The following NPAS2 variants were observed in gnomAD, a reference collection of about 807,000 sequenced individuals.
NPAS2 encodes the protein neuronal PAS domain protein 2.
Under a neutral mutation model 107.5 loss-of-function variants are expected in NPAS2, and 23 were observed. The observed-to-expected ratio is 0.21, with a 90% CI of 0.15 to 0.30. The LOEUF is 0.30. NPAS2 is among the 10% of genes least tolerant of loss of function. The pLI is 1.00. For synonymous variants in NPAS2, 403 were observed against 417.5 expected (o/e 0.97, Z 0.42); for missense variants, 756 against 1,043.3 (o/e 0.72, Z 3.79).
chr2:100,990,547 TTC>T (rs1678050719), intron 18 of NPAS2, 101 bp downstream of exon 18: 1 of 1,302,716 alleles, frequency 7.7e-7, no homozygotes, highest in African/African-American at 1.5e-5. Flanking sequence ...TTCAGACAGA[TTC>T]TAAAGTGTCC....
In NPAS2 at chr2:100,820,341, A is replaced by G. The variant is rs1164019900; in HGVS notation, c.-96A>G. 7.1e-6 allele frequency: 1 copy of G among 140,516 alleles called. No individual in the cohort carries two copies. Among genetic ancestry groups the G allele is most frequent in the South Asian group, 2.4e-4 (1 of 4,148 alleles). 8.7% of individuals were successfully genotyped at this position (140,516 alleles called of 1,614,324 possible). Reference sequence around the variant, plus strand: ...GCGCCCGCTCGCCGCCTCGTCTCCCAGCGGCGGCGGGAGGCGCGTCTCCCC... The same window carrying G: ...GCGCCCGCTCGCCGCCTCGTCTCCCGGCGGCGGCGGGAGGCGCGTCTCCCC... On this transcript the variant is annotated 5_prime_UTR_variant, in exon 1 of 21. Transcript: ENST00000335681. The surrounding 1 kb of genome is among the most constrained non-coding windows in gnomAD (Gnocchi z 5.6).
intron 20 of NPAS2, 161 bp downstream of exon 20, chr2:100,993,688 CTTAAAGTTTATGAA>C (rs1678276487): frequency 3.4e-6 from 2 of 590,168 alleles, no homozygotes; most frequent in South Asian, 5.6e-5. Flanking sequence ...GTTTTTCATG[CTTAAAGTTTATGAA>C]GTCTATGTCT....
intron 5 of NPAS2, among the ~76,000 whole-genome samples, chr2:100,943,197 A>G (rs1436404489): frequency 6.6e-6 from 1 of 152,232 alleles, no homozygotes; most frequent in East Asian, 1.9e-4. Flanking sequence ...GTGCTGTGGC[A>G]TCAGAACTTG....
intron 3 of NPAS2, among the ~76,000 whole-genome samples, chr2:100,930,767 T>C (rs1360237640): frequency 2.0e-5 from 3 of 152,190 alleles, no homozygotes; most frequent in Non-Finnish European, 4.4e-5. Flanking sequence ...ATCTAAAAAT[T>C]ACTTAAGTTA....
chr2:100,891,219 G>A (rs1681042901), intron 1 of NPAS2, among the ~76,000 whole-genome samples: 1 of 148,992 alleles, frequency 6.7e-6, no homozygotes. Context: ...GCGACAGAAT[G>A]AGACTCCATC....
At chr2:100,850,427 A>G (rs1002302021) in intron 1 of NPAS2, among the ~76,000 whole-genome samples, 2 of 152,180 alleles carry the variant, frequency 1.3e-5, no homozygotes, top group South Asian at 2.1e-4. Flanking sequence ...CAAAAGAGGA[A>G]GGAATGGTAT....
At chr2:100,882,717 G>T (rs1246118150) in intron 1 of NPAS2, among the ~76,000 whole-genome samples, 1 of 152,244 alleles carries the variant, frequency 6.6e-6, no homozygotes, top group Non-Finnish European at 1.5e-5. Context: ...CACAAAGCAA[G>T]GCGGCCCACT....
intron 15 of NPAS2, among the ~76,000 whole-genome samples, chr2:100,979,502 A>ATATAT (rs1403246843): frequency 1.4e-4 from 6 of 43,316 alleles, no homozygotes; most frequent in African/African-American, 2.0e-4. Context: ...ATATATATAT[A>ATATAT]TTTTTTTTTT....
In NPAS2 at chr2:100,882,561, C is replaced by T. The variant is rs540904052; in HGVS notation, c.-22-22172C>T. Reference sequence around the variant, plus strand: ...CCGGGAGGCGGAGGTTGCAGTGAGCCGAGATCGCACCACTGCGCTCCAGCC... The same window carrying T: ...CCGGGAGGCGGAGGTTGCAGTGAGCTGAGATCGCACCACTGCGCTCCAGCC... On this transcript the variant is annotated intron_variant, in intron 1 of 20. Transcript: ENST00000335681. Among the ~76,000 whole-genome samples, 20 of 152,292 alleles carry T rather than the reference C, an allele frequency of 1.3e-4. No homozygotes were observed. The East Asian group carries it at 3.3e-3, about 25-fold the overall frequency.
At chr2:100,854,711 T>C (rs1446500090) in intron 1 of NPAS2, among the ~76,000 whole-genome samples, 1 of 152,164 alleles carries the variant, frequency 6.6e-6, no homozygotes, top group Non-Finnish European at 1.5e-5. Context: ...ACAACCTTGT[T>C]AAAACTGTAT....
At chr2:100,925,123 A>G (rs760653268) in intron 2 of NPAS2, 23 bp from the exon 3 acceptor site, 1 of 1,598,772 alleles carries the variant, frequency 6.3e-7, no homozygotes, top group Non-Finnish European at 8.6e-7. Context: ...TGTTCCAGTA[A>G]CCTGCTCGTT....
chr2:100,963,108 C>G (rs558418067), intron 7 of NPAS2, among the ~76,000 whole-genome samples: 1 of 152,366 alleles, frequency 6.6e-6, no homozygotes, highest in South Asian at 2.1e-4. Context: ...TTGTGTTCCT[C>G]TGGGGGTGAC....
chr2:100,978,755 C>G (rs1015873728), intron 15 of NPAS2, among the ~76,000 whole-genome samples: 3 of 152,174 alleles, frequency 2.0e-5, no homozygotes, highest in African/African-American at 7.2e-5. Flanking sequence ...TTTTATAGAA[C>G]CGTGAAGGAA....
chr2:100,847,587 G>A lies in NPAS2; in HGVS notation c.-23+27173G>A, dbSNP rs10171751. The stretch of plus-strand genomic sequence containing the variant: ...GGGTTTCACCATGTTAGCCAGGATG[G>A]TCTCAATCTCCTGACCTCGTGATCC... On this transcript the variant is annotated intron_variant, in intron 1 of 20. Coordinates refer to ENST00000335681, the MANE Select transcript of NPAS2 (RefSeq NM_002518.4). Among the ~76,000 whole-genome samples the A allele has an allele frequency of 6.9e-3, 1,048 of 152,252 alleles. 6 individuals are homozygous for A. The highest frequency in any genetic ancestry group is 0.024 in the African/African-American group (1,004 of 41,554).
At chr2:100,943,463 C>T (rs1674701821) in intron 5 of NPAS2, among the ~76,000 whole-genome samples, 1 of 152,202 alleles carries the variant, frequency 6.6e-6, no homozygotes, top group South Asian at 2.1e-4. Context: ...TTTTAATTAC[C>T]TCTCATTCAT....
chr2:100,940,700 A>G (rs976358271), intron 5 of NPAS2, among the ~76,000 whole-genome samples: 1 of 152,226 alleles, frequency 6.6e-6, no homozygotes, highest in Non-Finnish European at 1.5e-5. Context: ...GAGAGATTGA[A>G]TAATTTACCC....
chr2:100,846,074 G>C (rs1407559748), intron 1 of NPAS2, among the ~76,000 whole-genome samples: 2 of 152,126 alleles, frequency 1.3e-5, no homozygotes, highest in African/African-American at 4.8e-5. Context: ...GCTTGGCCAT[G>C]TGGGCCAGCC....
intron 1 of NPAS2, among the ~76,000 whole-genome samples, chr2:100,890,398 C>T (rs1680975338): frequency 1.3e-5 from 2 of 152,078 alleles, no homozygotes; most frequent in Non-Finnish European, 2.9e-5. Context: ...ATAGTTTCTA[C>T]CCCTGAATGC....
chr2:100,906,464 T>G (rs987757504), intron 2 of NPAS2, among the ~76,000 whole-genome samples: 2 of 151,958 alleles, frequency 1.3e-5, no homozygotes, highest in African/African-American at 4.9e-5. Context: ...AGGGTAGTAG[T>G]GTCTGTCCTG....
Sources: allele counts gnomAD v4.1 joint callset (sites outside exome capture counted in the v4.1 genomes callset), GRCh38; gene constraint gnomAD v4.1.1; non-coding constraint Gnocchi (gnomAD v3.1); transcripts MANE v1.5; gene names NCBI Gene and HGNC (gene_info 2026-07-23, HGNC 2026-07-21).